LARP4B: variants seen among roughly 807,000 people sequenced by gnomAD.
LARP4B encodes La ribonucleoprotein 4B.
In LARP4B, 12 loss-of-function variants were observed where a neutral mutation model predicts 89.8. The observed-to-expected ratio is 0.13, with a 90% CI of 0.09 to 0.22. LARP4B has a LOEUF of 0.22. Ranked by LOEUF, LARP4B falls within the 10% of genes least tolerant of loss-of-function variation. The pLI is 1.00. For missense variants in LARP4B, 757 were observed against 947.7 expected (o/e 0.80, Z 2.64); for synonymous variants, 367 against 363.3 (o/e 1.01, Z -0.12).
At chr10:819,547 C>G (rs1431456551) in intron 14 of LARP4B, 2 of 152,226 alleles carry the variant, frequency 1.3e-5, no homozygotes, top group African/African-American at 4.8e-5. Context: ...CAACACTGGG[C>G]CACAAGCCGA....
chr10:977,385 T>G, the LARP4B span, among the ~76,000 whole-genome samples: 1 of 152,030 alleles, frequency 6.6e-6, no homozygotes, highest in African/African-American at 2.4e-5. Context: ...GCTGAAGAGA[T>G]CCTCCCAGCT....
At chr10:880,687 C>CAA (rs34640205) in intron 3 of LARP4B, among the ~76,000 whole-genome samples, 1,768 of 141,058 alleles carry the variant, frequency 0.013, 36 homozygotes, top group African/African-American at 0.04. Context: ...GAGGCTGACT[C>CAA]AAAAAAAAAA....
At chr10:901,609 C>A (rs1377964256) in intron 1 of LARP4B, among the ~76,000 whole-genome samples, 1 of 152,036 alleles carries the variant, frequency 6.6e-6, no homozygotes, top group Non-Finnish European at 1.5e-5. Context: ...ATATTCCATT[C>A]TTTTCGTTTC....
chr10:983,697 G>A, the LARP4B span, among the ~76,000 whole-genome samples: 1 of 152,102 alleles, frequency 6.6e-6, no homozygotes, highest in Non-Finnish European at 1.5e-5. Context: ...CCTCCCCAAG[G>A]CTCCATCTCC....
At chr10:844,850 C>T (rs569950158) in intron 6 of LARP4B, 127 bp downstream of exon 6, 4 of 584,092 alleles carry the variant, frequency 6.8e-6, no homozygotes, top group South Asian at 5.7e-5. Flanking sequence ...CAATATTCCA[C>T]GTCTTCATAT....
At chr10:882,377 A>C (rs1835705853) in intron 3 of LARP4B, among the ~76,000 whole-genome samples, 1 of 152,008 alleles carries the variant, frequency 6.6e-6, no homozygotes, top group African/African-American at 2.4e-5. Context: ...TTCTCATACT[A>C]AATAGGGAAA....
chr10:841,342 GT>G (rs1833511934), intron 7 of LARP4B, among the ~76,000 whole-genome samples: 1 of 152,128 alleles, frequency 6.6e-6, no homozygotes, highest in South Asian at 2.1e-4. Context: ...CAAAAATCGA[GT>G]GAAAAAAGAC....
At chr10:916,696 A>C (rs1836831294) in intron 1 of LARP4B, among the ~76,000 whole-genome samples, 2 of 152,160 alleles carry the variant, frequency 1.3e-5, no homozygotes, top group African/African-American at 4.8e-5. Flanking sequence ...ACTCCGTCTC[A>C]AAACAAACAA....
intron 1 of LARP4B, among the ~76,000 whole-genome samples, chr10:898,944 T>G (rs1836260693): frequency 6.6e-6 from 1 of 152,234 alleles, no homozygotes; most frequent in Non-Finnish European, 1.5e-5. Context: ...TATCAATCCC[T>G]GCATGTGGGT....
In LARP4B at chr10:843,255, T is replaced by C. The variant is rs548249876; in HGVS notation, c.510-187A>G. Among the ~76,000 whole-genome samples, 8 of 152,348 alleles carry C rather than the reference T, an allele frequency of 5.3e-5. No homozygotes were observed. The South Asian group carries it at 1.7e-3, about 32-fold the overall frequency. ...GGTACATTTTTGCAAAATCTCGGCC[T>C]TGGAGAGGCAGGGAGTGCAAAAGTA... On this transcript the variant is annotated intron_variant, in intron 6 of 17. Transcript: ENST00000316157.
At chr10:876,948 T>C (rs1835479177) in intron 3 of LARP4B, among the ~76,000 whole-genome samples, 1 of 152,004 alleles carries the variant, frequency 6.6e-6, no homozygotes, top group Non-Finnish European at 1.5e-5. Context: ...GCCACCAAGG[T>C]TTATGACTTG....
chr10:947,537 G>A, the LARP4B span, among the ~76,000 whole-genome samples: 4 of 152,130 alleles, frequency 2.6e-5, no homozygotes, highest in African/African-American at 7.2e-5. Flanking sequence ...AGGAGTCTCC[G>A]ATTTTCTTGA....
chr10:854,280 A>G (rs1356219194), intron 5 of LARP4B, among the ~76,000 whole-genome samples: 1 of 152,170 alleles, frequency 6.6e-6, no homozygotes, highest in Non-Finnish European at 1.5e-5. Context: ...GCCTCTGGTT[A>G]ATGTTGACAT....
chr10:871,508 T>C (rs1835196805), intron 3 of LARP4B, among the ~76,000 whole-genome samples: 1 of 152,064 alleles, frequency 6.6e-6, no homozygotes, highest in Non-Finnish European at 1.5e-5. Flanking sequence ...ACCCTCAGCC[T>C]TCCAAACGCC....
At chr10:935,722 C>CTT (rs10711022), upstream of LARP4B, among the ~76,000 whole-genome samples, 10 of 83,910 alleles carry the variant, frequency 1.2e-4, no homozygotes, top group Non-Finnish European at 1.6e-4. Context: ...CTTTTCTTTT[C>CTT]TTTTTTTTTT....
intron 1 of LARP4B, among the ~76,000 whole-genome samples, chr10:924,807 ACC>A (rs1837091521): frequency 6.6e-6 from 1 of 152,194 alleles, no homozygotes; most frequent in African/African-American, 2.4e-5. Context: ...GTGATTGTCC[ACC>A]TGTCTCAATG....
In LARP4B at chr10:820,828, T is replaced by C; in HGVS notation, c.1502A>G (p.Tyr501Cys). 1 of 1,613,434 alleles carries C rather than the reference T, an allele frequency of 6.2e-7. No homozygotes were observed. Among genetic ancestry groups the C allele is most frequent in the Non-Finnish European group, 8.5e-7 (1 of 1,179,422 alleles). Residue 501 changes from tyrosine to cysteine, a missense_variant, in exon 14 of 18, where the codon TAC becomes TGC. Physicochemically the swap from Tyr to Cys is radical, Grantham distance 194. Around this residue, in one of 5 missense-constraint regions of LARP4B, gnomAD observed 387 missense variants for 423.6 expected, o/e 0.91. Coordinates refer to ENST00000316157, the MANE Select transcript of LARP4B (RefSeq NM_015155.3). ...AAACTTCTCCTCCCTTTTCTTCCGG[T>C]AGCCAAAGGAATTCTTCCTAGAGGA... is the stretch of plus-strand genomic sequence containing the variant. Reference protein sequence around the residue: ...LGRGRKNSFGYRKKREEKFTS... With the variant: ...LGRGRKNSFGCRKKREEKFTS...
At chr10:986,191 G>T in the LARP4B span, 2 of 152,222 alleles carry the variant, frequency 1.3e-5, no homozygotes, top group East Asian at 3.8e-4. Flanking sequence ...AAATAAAAAG[G>T]TCTGAAAAAC....
chr10:976,607 C>G, the LARP4B span, among the ~76,000 whole-genome samples: 1 of 149,650 alleles, frequency 6.7e-6, no homozygotes, highest in Non-Finnish European at 1.5e-5. Flanking sequence ...AATGTGTGGC[C>G]CGGCTTAGTA....
Sources: allele counts gnomAD v4.1 joint callset (sites outside exome capture counted in the v4.1 genomes callset), GRCh38; gene constraint gnomAD v4.1.1; regional missense constraint gnomAD v4.1.1; transcripts MANE v1.5; gene names NCBI Gene and HGNC (gene_info 2026-07-23, HGNC 2026-07-21).